Variants in NRXN1 observed in about 807,000 individuals in gnomAD.
NRXN1 encodes neurexin-1.
NRXN1 carries 39 observed loss-of-function variants against 150.9 expected under a neutral mutation model. The observed-to-expected ratio is 0.26, with a 90% CI of 0.20 to 0.34. The LOEUF (loss-of-function observed/expected upper bound fraction) is 0.34. NRXN1 is among the 10% of genes least tolerant of loss of function. The pLI is 1.00. For missense variants in NRXN1, 1,815 were observed against 1,949.9 expected (o/e 0.93, Z 1.30); for synonymous variants, 924 against 757.0 (o/e 1.22, Z -3.62).
chr2:50,609,036 A>G (rs984476739), intron 8 of NRXN1, among the ~76,000 whole-genome samples: 3 of 152,136 alleles, frequency 2.0e-5, no homozygotes, highest in African/African-American at 7.2e-5. Flanking sequence ...AGCAAAATGG[A>G]AAGCACACTG....
At chr2:50,760,263 G>T (rs936977591) in intron 5 of NRXN1, among the ~76,000 whole-genome samples, 1 of 151,882 alleles carries the variant, frequency 6.6e-6, no homozygotes. Flanking sequence ...CAGTATAAGA[G>T]TCTACAGAAC....
At position 50,414,063 on chromosome 2, in the gene NRXN1, G is replaced by A. The variant is rs551281628; in HGVS notation, c.3364+51379C>T. Among the ~76,000 whole-genome samples the A allele has an allele frequency of 1.8e-4, 27 of 150,434 alleles. No individual in the cohort carries two copies. In the South Asian group the frequency reaches 4.0e-3, roughly 23 times the overall value. ...TAGTGGGGTGGGGGGTGGGAAGACC[G>A]TGTGCAGGGGAGGTAAGGATGATTA... On this transcript the variant is annotated intron_variant, in intron 17 of 22. Transcript: ENST00000401669.
At chr2:50,668,066 G>C (rs1361777895) in intron 5 of NRXN1, among the ~76,000 whole-genome samples, 1 of 151,990 alleles carries the variant, frequency 6.6e-6, no homozygotes, top group African/African-American at 2.4e-5. Flanking sequence ...AATGGGAGCT[G>C]TAAAGTATTT....
At chr2:50,887,932 G>T in intron 5 of NRXN1, among the ~76,000 whole-genome samples, 1 of 147,276 alleles carries the variant, frequency 6.8e-6, no homozygotes, top group East Asian at 2.0e-4. Context: ...TTTCCTTTCT[G>T]GAAAATAAAA....
At chr2:50,073,831 A>G (rs1696654213) in intron 19 of NRXN1, among the ~76,000 whole-genome samples, 2 of 152,246 alleles carry the variant, frequency 1.3e-5, no homozygotes, top group Admixed American at 6.5e-5. Context: ...GCTCTTACAC[A>G]TAAATGAGTG....
At chr2:50,003,696 C>A (rs1684307866) in intron 21 of NRXN1, among the ~76,000 whole-genome samples, 1 of 152,096 alleles carries the variant, frequency 6.6e-6, no homozygotes, top group African/African-American at 2.4e-5. Flanking sequence ...TTAACTTTTT[C>A]ACATCCTTGT....
chr2:50,530,635 G>A (rs534018152), intron 11 of NRXN1, among the ~76,000 whole-genome samples: 2 of 152,214 alleles, frequency 1.3e-5, no homozygotes, highest in South Asian at 4.2e-4. Context: ...GTGTTCTCAT[G>A]GCTGTTTGCT....
chr2:50,009,199 A>G (rs1431997712), intron 21 of NRXN1, among the ~76,000 whole-genome samples: 2 of 152,146 alleles, frequency 1.3e-5, no homozygotes, highest in Non-Finnish European at 2.9e-5. Flanking sequence ...GGGACCTGCT[A>G]TAGTTCTTGA....
At chr2:50,696,768 T>A (rs921356808) in intron 5 of NRXN1, among the ~76,000 whole-genome samples, 1 of 152,166 alleles carries the variant, frequency 6.6e-6, no homozygotes, top group Non-Finnish European at 1.5e-5. Context: ...TTGATTTAAA[T>A]GGTAGAAAGT....
intron 2 of NRXN1, among the ~76,000 whole-genome samples, chr2:50,971,802 C>A (rs544640062): frequency 1.3e-5 from 2 of 152,038 alleles, no homozygotes; most frequent in African/African-American, 4.8e-5. Context: ...ATTAAAAATT[C>A]TTTCTCAACA....
chr2:50,763,387 C>T (rs1436225128), intron 5 of NRXN1, among the ~76,000 whole-genome samples: 1 of 151,912 alleles, frequency 6.6e-6, no homozygotes, highest in African/African-American at 2.4e-5. Flanking sequence ...ACAACAATGA[C>T]TATTCTACTG....
At chr2:49,974,186 G>C (rs949743128) in intron 21 of NRXN1, 1 of 707,650 alleles carries the variant, frequency 1.4e-6, no homozygotes, top group Admixed American at 2.0e-5. Flanking sequence ...ACAGATGGGC[G>C]AGAAAAGACA....
chr2:50,774,859 T>G (rs1232286299), intron 5 of NRXN1, among the ~76,000 whole-genome samples: 1 of 152,122 alleles, frequency 6.6e-6, no homozygotes, highest in Non-Finnish European at 1.5e-5. Flanking sequence ...TACATTTCTA[T>G]TCCCATCCCA....
chr2:50,938,352 T>C (rs776440527), intron 2 of NRXN1, among the ~76,000 whole-genome samples: 4 of 152,200 alleles, frequency 2.6e-5, no homozygotes, highest in Non-Finnish European at 1.5e-5. Flanking sequence ...ATGGAGTACA[T>C]TGTTGACTAA....
At chr2:50,665,633 A>C (rs1574025049) in intron 5 of NRXN1, among the ~76,000 whole-genome samples, 1 of 152,036 alleles carries the variant, frequency 6.6e-6, no homozygotes, top group Non-Finnish European at 1.5e-5. Context: ...TATTTGAGAA[A>C]GTAACAATTT....
At chr2:50,826,423 G>A (rs912983865) in intron 5 of NRXN1, among the ~76,000 whole-genome samples, 2 of 152,108 alleles carry the variant, frequency 1.3e-5, no homozygotes, top group African/African-American at 4.8e-5. Context: ...AGATCATTTG[G>A]CCTGAAAAAG....
chr2:50,400,402 T>C (rs1195948918), intron 17 of NRXN1, among the ~76,000 whole-genome samples: 1 of 151,868 alleles, frequency 6.6e-6, no homozygotes, highest in Non-Finnish European at 1.5e-5. Flanking sequence ...TATTGGGGGG[T>C]AGGGGTCTTC....
chr2:50,383,799 A>G (rs2081134525), intron 17 of NRXN1, among the ~76,000 whole-genome samples: 1 of 152,080 alleles, frequency 6.6e-6, no homozygotes, highest in African/African-American at 2.4e-5. Flanking sequence ...TTTCAGCCCT[A>G]ATAGTTTATG....
chr2:50,908,293 C>T (rs1684019522), intron 5 of NRXN1, among the ~76,000 whole-genome samples: 1 of 151,734 alleles, frequency 6.6e-6, no homozygotes, highest in African/African-American at 2.4e-5. Flanking sequence ...GAGATTTCAA[C>T]TGACTAAAAG....
Sources: gnomAD v4.1 joint callset for allele counts (sites outside exome capture counted in the v4.1 genomes callset) on GRCh38, gnomAD v4.1.1 for gene constraint, MANE v1.5 for transcripts, NCBI Gene and HGNC (gene_info 2026-07-23, HGNC 2026-07-21) for gene names.